ARHGAP15: variants seen among roughly 807,000 people sequenced by gnomAD.
The protein encoded by ARHGAP15 is rho GTPase-activating protein 15.
Under a neutral mutation model 63.7 loss-of-function variants are expected in ARHGAP15, and 51 were observed. The observed-to-expected ratio is 0.80, with a 90% CI of 0.64 to 1.01. ARHGAP15 has a LOEUF of 1.01. ARHGAP15 is among the 50% of genes least tolerant of loss of function. The probability of loss-of-function intolerance (pLI) is 0.00; values close to 1 mark genes in which losing one functional copy is unlikely to be tolerated. For synonymous variants in ARHGAP15, 191 were observed against 193.8 expected (o/e 0.99, Z 0.12); for missense variants, 560 against 564.6 (o/e 0.99, Z 0.08).
intron 9 of ARHGAP15, among the ~76,000 whole-genome samples, chr2:143,511,565 C>A (rs1032641438): frequency 7.9e-6 from 1 of 126,336 alleles, no homozygotes; most frequent in African/African-American, 2.9e-5. Context: ...TGGAAGTGTT[C>A]TTTTTTGTTT....
chr2:143,380,186 G>A (rs1302715275), intron 6 of ARHGAP15, among the ~76,000 whole-genome samples: 2 of 152,058 alleles, frequency 1.3e-5, no homozygotes, highest in African/African-American at 4.8e-5. Context: ...CTTCTTATTA[G>A]TCTCCTACTT....
At chr2:143,165,982 G>GAAAT (rs1203498258) in intron 2 of ARHGAP15, among the ~76,000 whole-genome samples, 1 of 115,826 alleles carries the variant, frequency 8.6e-6, no homozygotes, top group African/African-American at 3.4e-5. Context: ...AAGAAAGAAA[G>GAAAT]AAAGAAAGAA....
At chr2:143,330,094 C>CAAAAAAAAAA (rs1303438123) in intron 6 of ARHGAP15, among the ~76,000 whole-genome samples, 7 of 1,674 alleles carry the variant, frequency 4.2e-3, no homozygotes, top group African/African-American at 6.6e-3. Flanking sequence ...GGCTCTGTCT[C>CAAAAAAAAAA]AAAAAAAAAA....
At chr2:143,757,003 A>G (rs910914901) in intron 13 of ARHGAP15, among the ~76,000 whole-genome samples, 5 of 152,110 alleles carry the variant, frequency 3.3e-5, no homozygotes, top group African/African-American at 7.2e-5. Context: ...TCACAGAGTA[A>G]TAAAGATCTG....
chr2:143,271,978 T>C (rs1179517303), intron 6 of ARHGAP15, among the ~76,000 whole-genome samples: 2 of 152,264 alleles, frequency 1.3e-5, no homozygotes, highest in African/African-American at 4.8e-5. Context: ...GTAGTTCTTT[T>C]TTTACTTGGA....
At chr2:143,497,624 G>T (rs1341923499) in intron 9 of ARHGAP15, among the ~76,000 whole-genome samples, 2 of 152,108 alleles carry the variant, frequency 1.3e-5, no homozygotes, top group Non-Finnish European at 2.9e-5. Flanking sequence ...AGTATCCAAA[G>T]CCAGTGCTGG....
chr2:143,357,803 AAAG>A (rs1457433979), intron 6 of ARHGAP15, among the ~76,000 whole-genome samples: 1 of 152,228 alleles, frequency 6.6e-6, no homozygotes, highest in African/African-American at 2.4e-5. Flanking sequence ...TCGAATCAGA[AAAG>A]AAGGCCAGCA....
chr2:143,676,654 T>C (rs1682839743), intron 12 of ARHGAP15: 1 of 152,176 alleles, frequency 6.6e-6, no homozygotes. Context: ...TTAAGTTTGC[T>C]ATCTCATATG....
Position 143,299,684 on chromosome 2 carries a change from T to C in ARHGAP15, c.474+49084T>C, listed in dbSNP as rs78259157. ...AGTTGAGAAAACTACTTTCTTAAAATTGTGTCTAAAATAAACACTCACAGT... is the reference window on the plus strand; with the variant it reads ...AGTTGAGAAAACTACTTTCTTAAAACTGTGTCTAAAATAAACACTCACAGT... On this transcript the variant is annotated intron_variant, in intron 6 of 13. Coordinates refer to ENST00000295095, the MANE Select transcript of ARHGAP15 (RefSeq NM_018460.4). Among the ~76,000 whole-genome samples the C allele has an allele frequency of 1.8e-3, 270 of 152,120 alleles. 2 individuals carry two copies. Among genetic ancestry groups the C allele is most frequent in the Middle Eastern group, 3.4e-3 (1 of 294 alleles).
intron 11 of ARHGAP15, among the ~76,000 whole-genome samples, chr2:143,597,407 A>G (rs139551712): frequency 2.0e-5 from 3 of 152,272 alleles, no homozygotes; most frequent in African/African-American, 7.2e-5. Flanking sequence ...AATCCAGTTT[A>G]TGAGGAAATG....
At chr2:143,609,523 A>C (rs1346941330) in intron 11 of ARHGAP15, among the ~76,000 whole-genome samples, 1 of 152,208 alleles carries the variant, frequency 6.6e-6, no homozygotes, top group African/African-American at 2.4e-5. Context: ...ATGGCCTTAC[A>C]CAAAAGATTC....
In ARHGAP15 at chr2:143,136,078, C is replaced by T. The variant is rs1689124545; in HGVS notation, c.-15+6612C>T. Reference sequence around the variant, plus strand: ...GTCCCCCAACCCAGCCTGCTTCTTTCCTTTTTGCCTCCACCTTAGTTAATG... The same window carrying T: ...GTCCCCCAACCCAGCCTGCTTCTTTTCTTTTTGCCTCCACCTTAGTTAATG... On this transcript the variant is annotated intron_variant, in intron 1 of 13. Transcript: ENST00000295095. 1.3e-5 allele frequency among the ~76,000 whole-genome samples: 2 copies of T among 152,068 alleles called. 1 individual carries two copies. The highest frequency in any genetic ancestry group is 4.1e-4 in the South Asian group (2 of 4,830).
At chr2:143,507,716 A>T (rs1693385148) in intron 9 of ARHGAP15, among the ~76,000 whole-genome samples, 1 of 152,184 alleles carries the variant, frequency 6.6e-6, no homozygotes, top group Non-Finnish European at 1.5e-5. Flanking sequence ...AGATTTATCT[A>T]GAGTAATCCT....
intron 13 of ARHGAP15, among the ~76,000 whole-genome samples, chr2:143,704,338 C>T (rs1181509932): frequency 1.3e-5 from 2 of 152,144 alleles, no homozygotes; most frequent in Admixed American, 6.5e-5. Flanking sequence ...CACAGTAGTA[C>T]AGGCAGGAGA....
chr2:143,598,828 G>C (rs1449958667), intron 11 of ARHGAP15, among the ~76,000 whole-genome samples: 1 of 151,960 alleles, frequency 6.6e-6, no homozygotes, highest in East Asian at 1.9e-4. Flanking sequence ...GAAGTGAGAG[G>C]ATCACTTAAG....
At chr2:143,543,956 A>G (rs908467760) in intron 10 of ARHGAP15, among the ~76,000 whole-genome samples, 2 of 152,140 alleles carry the variant, frequency 1.3e-5, no homozygotes, top group African/African-American at 4.8e-5. Flanking sequence ...TAATCTTTCT[A>G]CTTTATATTG....
intron 11 of ARHGAP15, chr2:143,608,708 G>A (rs1182582688): frequency 6.6e-6 from 1 of 152,154 alleles, no homozygotes; most frequent in Non-Finnish European, 1.5e-5. Context: ...AACCCTGGTT[G>A]TAATTTCATA....
At chr2:143,443,430 C>CT (rs1558975278) in intron 8 of ARHGAP15, among the ~76,000 whole-genome samples, 1 of 5,814 alleles carries the variant, frequency 1.7e-4, no homozygotes, top group East Asian at 0.01. Context: ...GGTCACTCAC[C>CT]CTTTTTTTTT....
chr2:143,567,383 C>T lies in ARHGAP15; in HGVS notation c.1003+10898C>T, dbSNP rs553601431. 3.3e-5 allele frequency among the ~76,000 whole-genome samples: 5 copies of T among 152,284 alleles called. No individual in the cohort carries two copies. In the East Asian group the frequency reaches 5.8e-4, roughly 18 times the overall value. On this transcript the variant is annotated intron_variant, in intron 11 of 13. Coordinates refer to ENST00000295095, the MANE Select transcript of ARHGAP15 (RefSeq NM_018460.4). ...GGATAGGCTCTGATTGAAAAGCAGG[C>T]GTTAGCCCTCAGGACCACAACCCAG...
Sources: gnomAD v4.1 joint callset for allele counts (sites outside exome capture counted in the v4.1 genomes callset) on GRCh38, gnomAD v4.1.1 for gene constraint, MANE v1.5 for transcripts, NCBI Gene and HGNC (gene_info 2026-07-23, HGNC 2026-07-21) for gene names.